Variants in DOCK3 observed in about 807,000 individuals in gnomAD.
The protein encoded by DOCK3 is dedicator of cytokinesis protein 3.
Under a neutral mutation model 265.6 loss-of-function variants are expected in DOCK3, and 60 were observed. That is an observed-to-expected ratio of 0.23 (90% CI 0.18 to 0.28). The LOEUF (loss-of-function observed/expected upper bound fraction) is 0.28. Ranked by LOEUF, DOCK3 falls within the 10% of genes least tolerant of loss-of-function variation. The pLI is 1.00. For synonymous variants in DOCK3, 881 were observed against 938.0 expected (o/e 0.94, Z 1.11); for missense variants, 1,981 against 2,594.3 (o/e 0.76, Z 5.14).
rs536340978 is a variant in DOCK3 at position 50,870,772 on chromosome 3, G to A, written c.163-19254G>A. Among the ~76,000 whole-genome samples the A allele has an allele frequency of 4.0e-5, 6 of 151,616 alleles. No individual in the cohort carries two copies. The East Asian group carries it at 1.2e-3, about 29-fold the overall frequency. ...AATTTTTTGCTTTTTTGGATCTCATGTATTTTTTGTTGTTTGTGATTACCA... is the reference window on the plus strand; with the variant it reads ...AATTTTTTGCTTTTTTGGATCTCATATATTTTTTGTTGTTTGTGATTACCA... On this transcript the variant is annotated intron_variant, in intron 3 of 52. Transcript: ENST00000266037.
intron 4 of DOCK3, among the ~76,000 whole-genome samples, chr3:50,922,166 G>GAGGC (rs990231248): frequency 6.6e-6 from 1 of 152,210 alleles, no homozygotes; most frequent in African/African-American, 2.4e-5. Context: ...GGAGTCTACA[G>GAGGC]AGGCAGGCAG....
chr3:51,137,518 T>C (rs957944496), intron 9 of DOCK3, among the ~76,000 whole-genome samples: 4 of 152,172 alleles, frequency 2.6e-5, no homozygotes, highest in South Asian at 4.2e-4. Flanking sequence ...TGATACCTCA[T>C]TGGCAGTCAC....
chr3:51,357,535 G>A (rs1218132743), intron 44 of DOCK3, among the ~76,000 whole-genome samples: 1 of 152,102 alleles, frequency 6.6e-6, no homozygotes, highest in Admixed American at 6.5e-5. Flanking sequence ...GAGGGACTGG[G>A]GTCAGCATCC....
intron 9 of DOCK3, among the ~76,000 whole-genome samples, chr3:51,095,139 G>A (rs2082792080): frequency 6.6e-6 from 1 of 151,714 alleles, no homozygotes; most frequent in African/African-American, 2.4e-5. Context: ...TCTTTTAATT[G>A]GATCATTTAG....
At chr3:50,971,639 G>A (rs574259899) in intron 5 of DOCK3, among the ~76,000 whole-genome samples, 9 of 152,322 alleles carry the variant, frequency 5.9e-5, no homozygotes, top group South Asian at 2.1e-4. Context: ...AGTAGGTGGC[G>A]CTTACAGGTA....
At chr3:51,257,663 A>G (rs1279244506) in intron 22 of DOCK3, among the ~76,000 whole-genome samples, 3 of 152,198 alleles carry the variant, frequency 2.0e-5, no homozygotes. Context: ...TCTTGGTGAT[A>G]CAAACATGGT....
At chr3:51,141,459 A>G (rs2085067341) in intron 9 of DOCK3, among the ~76,000 whole-genome samples, 1 of 152,128 alleles carries the variant, frequency 6.6e-6, no homozygotes, top group South Asian at 2.1e-4. Context: ...TTTAGCTCTT[A>G]TATGTAGATC....
At chr3:51,180,516 A>G (rs947059263) in intron 12 of DOCK3, among the ~76,000 whole-genome samples, 7 of 151,908 alleles carry the variant, frequency 4.6e-5, no homozygotes, top group African/African-American at 1.7e-4. Flanking sequence ...GGACCACATC[A>G]CTCCTGTCTG....
intron 5 of DOCK3, among the ~76,000 whole-genome samples, chr3:51,041,159 A>T (rs1384545800): frequency 1.4e-5 from 1 of 73,846 alleles, no homozygotes; most frequent in Non-Finnish European, 2.7e-5. Flanking sequence ...AGCCTTACAA[A>T]ATGTATATAT....
intron 3 of DOCK3, among the ~76,000 whole-genome samples, chr3:50,879,988 C>G (rs1309488770): frequency 6.6e-6 from 1 of 152,156 alleles, no homozygotes. Flanking sequence ...CACTCAAAAC[C>G]ACTCAACTAC....
chr3:51,133,990 C>G (rs960795015), intron 9 of DOCK3, among the ~76,000 whole-genome samples: 6 of 152,130 alleles, frequency 3.9e-5, no homozygotes, highest in African/African-American at 9.7e-5. Context: ...TTCAGGTGTT[C>G]TCATCATTTA....
intron 22 of DOCK3, among the ~76,000 whole-genome samples, chr3:51,249,584 A>T (rs1267906874): frequency 2.4e-5 from 2 of 85,066 alleles, no homozygotes; most frequent in Admixed American, 1.1e-4. Flanking sequence ...CCAGCCGCCC[A>T]GTCCGGGAGG....
intron 4 of DOCK3, among the ~76,000 whole-genome samples, chr3:50,899,601 G>T (rs1040094038): frequency 1.3e-5 from 2 of 152,156 alleles, no homozygotes; most frequent in Non-Finnish European, 2.9e-5. Context: ...GTATGTTCTT[G>T]CAGTGGGTGG....
intron 2 of DOCK3, among the ~76,000 whole-genome samples, chr3:50,804,793 C>T (rs1265443123): frequency 6.6e-6 from 1 of 152,062 alleles, no homozygotes; most frequent in East Asian, 1.9e-4. Context: ...GAAATTCTTT[C>T]TTCTGCTTAG....
intron 3 of DOCK3, among the ~76,000 whole-genome samples, chr3:50,854,591 A>ATTTTTTTTTTT (rs1559726991): frequency 6.9e-4 from 3 of 4,320 alleles, no homozygotes; most frequent in African/African-American, 8.5e-4. Context: ...CCATCACACC[A>ATTTTTTTTTTT]GTTTTTTTTT....
intron 5 of DOCK3, among the ~76,000 whole-genome samples, chr3:51,008,206 AC>A (rs1490691330): frequency 2.0e-5 from 3 of 152,148 alleles, no homozygotes; most frequent in Non-Finnish European, 4.4e-5. Context: ...TCTATAAATT[AC>A]CTTGGGCAGT....
At chr3:50,747,916 A>G (rs181595835) in intron 1 of DOCK3, among the ~76,000 whole-genome samples, 2 of 151,918 alleles carry the variant, frequency 1.3e-5, no homozygotes, top group Non-Finnish European at 2.9e-5. Context: ...TTTCTGCTAG[A>G]TTATAGAAAT....
In DOCK3 at chr3:51,381,390, C is replaced by T; in HGVS notation, c.5924C>T (p.Pro1975Leu). Residue 1975 changes from proline (P) to leucine (L), a missense_variant, in exon 53 of 53, where the codon CCC becomes CTC. This residue lies in a region of DOCK3 where 149 missense variants were observed against 144.7 expected (regional missense o/e 1.03). Coordinates refer to ENST00000266037, the MANE Select transcript of DOCK3 (RefSeq NM_004947.5). The surrounding 1 kb of genome is among the most constrained non-coding windows in gnomAD (Gnocchi z 5.6). ...CCCATGGACCCGCCTGCGCTGCCGC[C>T]CAAGCCCTACCACCCCCGCCTGCCG... ...QDPMDPPALP[P>L]KPYHPRLPAL... 1 of 1,612,648 alleles carries T rather than the reference C, an allele frequency of 6.2e-7. No homozygotes were observed.
At position 50,712,135 on chromosome 3, in the gene DOCK3, A is replaced by G. The variant is rs781495523; in HGVS notation, c.37+36835A>G. ...AAAAAACCAACTTTCAGTTTTGCCA[A>G]TTTTCTCTATTTTCCATTTATTTCC... On this transcript the variant is annotated intron_variant, in intron 1 of 52. Coordinates refer to ENST00000266037, the MANE Select transcript of DOCK3 (RefSeq NM_004947.5). 6.6e-5 allele frequency among the ~76,000 whole-genome samples: 10 copies of G among 151,866 alleles called. No individual in the cohort carries two copies. In the East Asian group the frequency reaches 1.2e-3, roughly 18 times the overall value.
Sources: allele counts gnomAD v4.1 joint callset (sites outside exome capture counted in the v4.1 genomes callset), GRCh38; gene constraint gnomAD v4.1.1; regional missense constraint gnomAD v4.1.1; non-coding constraint Gnocchi (gnomAD v3.1); transcripts MANE v1.5; gene names NCBI Gene and HGNC (gene_info 2026-07-23, HGNC 2026-07-21).